The following CECR2 variants were observed in gnomAD, a reference collection of about 807,000 sequenced individuals.
CECR2 encodes the protein CECR2 histone acetyl-lysine reader.
CECR2 carries 30 observed loss-of-function variants against 154.5 expected under a neutral mutation model. The observed-to-expected ratio is 0.19, with a 90% CI of 0.15 to 0.26. CECR2 has a LOEUF of 0.26. Among genes scored for constraint, CECR2 ranks in the 10% least tolerant of loss-of-function variants. The pLI, the probability that CECR2 is intolerant of heterozygous loss-of-function variation, is 1.00. For synonymous variants in CECR2, 725 were observed against 683.7 expected, an observed-to-expected ratio of 1.06 and a Z score of -0.94; for missense variants, 1,743 against 1,829.3, an observed-to-expected ratio of 0.95 and a Z score of 0.86.
At chr22:17,488,816 A>G (rs1190004957) in intron 2 of CECR2, among the ~76,000 whole-genome samples, 5 of 152,190 alleles carry the variant, frequency 3.3e-5, no homozygotes, top group Non-Finnish European at 5.9e-5. Context: ...TCTCTTGGGA[A>G]TTGCTGGCGG....
At chr22:17,543,039 T>G in intron 16 of CECR2, 36 bp downstream of exon 16, 2 of 1,550,410 alleles carry the variant, frequency 1.3e-6, no homozygotes, top group South Asian at 2.5e-5. Context: ...CTTTAAGCTC[T>G]TGTTTCATGA....
rs113011471 is a variant in CECR2 at position 17,418,362 on chromosome 22, C to T, written c.126+48453C>T. Among the ~76,000 whole-genome samples, 593 of 152,248 alleles carry T rather than the reference C, an allele frequency of 3.9e-3. 4 individuals are homozygous for T. Among genetic ancestry groups the T allele is most frequent in the African/African-American group, 0.013 (553 of 41,514 alleles). On this transcript the variant is annotated intron_variant, in intron 1 of 18. Transcript: ENST00000262608. ...CTCAAGCCTATGTGTTACTGCACTG[C>T]GCTGTAGCTTAGTGGTTCATTTTCG...
intron 2 of CECR2, among the ~76,000 whole-genome samples, chr22:17,487,360 G>A (rs1205966066): frequency 6.6e-6 from 1 of 152,152 alleles, no homozygotes; most frequent in African/African-American, 2.4e-5. Context: ...GTAAAGCTAC[G>A]ATTGAATCAA....
At chr22:17,477,291 A>T in intron 1 of CECR2, 5 of 609,328 alleles carry the variant, frequency 8.2e-6, no homozygotes, top group Non-Finnish European at 1.5e-5. Context: ...AAGCTCTTTA[A>T]TTATGCAGCT....
chr22:17,533,283 G>A (rs533053951), intron 9 of CECR2, among the ~76,000 whole-genome samples: 27 of 146,798 alleles, frequency 1.8e-4, no homozygotes, highest in Non-Finnish European at 3.6e-4. Flanking sequence ...TAGCGCCACC[G>A]CAGCACTCCA....
intron 1 of CECR2, among the ~76,000 whole-genome samples, chr22:17,426,977 A>G (rs1228564516): frequency 6.6e-6 from 1 of 152,024 alleles, no homozygotes; most frequent in Non-Finnish European, 1.5e-5. Context: ...CATCATTTAC[A>G]TTAGGTATTT....
At chr22:17,392,799 T>C (rs1348420126) in intron 1 of CECR2, among the ~76,000 whole-genome samples, 1 of 152,150 alleles carries the variant, frequency 6.6e-6, no homozygotes, top group Non-Finnish European at 1.5e-5. Context: ...CCCAGCACTT[T>C]GGGAGGCCGA....
At chr22:17,511,417 C>T (rs1231578121) in intron 7 of CECR2, among the ~76,000 whole-genome samples, 2 of 152,160 alleles carry the variant, frequency 1.3e-5, no homozygotes, top group Non-Finnish European at 2.9e-5. Flanking sequence ...CTGCCTTTGC[C>T]CGGCGGCCCA....
chr22:17,475,833 C>T (rs2055199339), intron 1 of CECR2, among the ~76,000 whole-genome samples: 2 of 152,036 alleles, frequency 1.3e-5, no homozygotes, highest in African/African-American at 2.4e-5. Flanking sequence ...ATTCCTATTT[C>T]TCCGTTCTCT....
intron 7 of CECR2, among the ~76,000 whole-genome samples, chr22:17,505,576 C>T (rs1358620095): frequency 1.4e-5 from 2 of 145,508 alleles, no homozygotes; most frequent in Non-Finnish European, 3.0e-5. Context: ...CTCTGTCTCC[C>T]AGGCTGCAGT....
chr22:17,407,421 C>T (rs1437600029), intron 1 of CECR2, among the ~76,000 whole-genome samples: 2 of 152,114 alleles, frequency 1.3e-5, no homozygotes, highest in Admixed American at 1.3e-4. Flanking sequence ...CATAGTGAAA[C>T]CCCATCTCTA....
intron 1 of CECR2, among the ~76,000 whole-genome samples, chr22:17,451,064 T>G (rs527382769): frequency 1.3e-5 from 2 of 152,378 alleles, no homozygotes; most frequent in Admixed American, 1.3e-4. Context: ...GAGGACAGAC[T>G]TGGTGCCATG....
intron 10 of CECR2, among the ~76,000 whole-genome samples, chr22:17,537,992 CAAA>C (rs1339847156): frequency 4.0e-5 from 4 of 99,564 alleles, no homozygotes; most frequent in Admixed American, 1.1e-4. Flanking sequence ...AGACTCCGTC[CAAA>C]AAAAAAAAAA....
chr22:17,549,955 C>G (rs1271889692), intron 17 of CECR2, among the ~76,000 whole-genome samples: 1 of 150,416 alleles, frequency 6.6e-6, no homozygotes, highest in Non-Finnish European at 1.5e-5. Context: ...GAAAAATGGC[C>G]TTAGAGATGA....
intron 1 of CECR2, among the ~76,000 whole-genome samples, chr22:17,377,006 C>T (rs2063126676): frequency 6.6e-6 from 1 of 152,170 alleles, no homozygotes; most frequent in Non-Finnish European, 1.5e-5. Context: ...AAGTTGTGTT[C>T]TTAGGCAGAT....
In CECR2 at chr22:17,544,809, CAAAAAAAAAA is replaced by C. The variant is rs67994839; in HGVS notation, c.2860+1824_2860+1833del. Among the ~76,000 whole-genome samples the C allele has an allele frequency of 2.6e-4, 12 of 45,618 alleles. No individual in the cohort carries two copies. The East Asian group carries it at 0.01, about 39-fold the overall frequency. The allele number at this position is 45,618 out of a possible 152,430, so 29.9% of individuals were successfully genotyped here. ...TGGGCCACAAAGTGAGACTCTGTCTCAAAAAAAAAAAAAAAAAAAAAAAAAAAGGTTCATG... is the reference window on the plus strand; with the variant it reads ...TGGGCCACAAAGTGAGACTCTGTCTCAAAAAAAAAAAAAAAAAGGTTCATG... On this transcript the variant is annotated intron_variant, in intron 16 of 18. Coordinates refer to ENST00000262608, the MANE Select transcript of CECR2 (RefSeq NM_001290047.2).
At chr22:17,552,254 G>GATACCTT in intron 18 of CECR2, 112 bp downstream of exon 18, 5 of 936,838 alleles carry the variant, frequency 5.3e-6, no homozygotes, top group Non-Finnish European at 8.1e-6. Context: ...GTGGATACAG[G>GATACCTT]AACTTTGCCT....
intron 1 of CECR2, among the ~76,000 whole-genome samples, chr22:17,402,843 C>T (rs1446474818): frequency 2.0e-5 from 3 of 151,504 alleles, no homozygotes; most frequent in African/African-American, 4.8e-5. Flanking sequence ...CTGCAACCTC[C>T]GCCTCCCGGG....
rs2056643968 is a variant in CECR2 at position 17,548,199 on chromosome 22, A to T, written c.2912A>T (p.Glu971Val). The T allele has an allele frequency of 6.3e-7, 1 of 1,586,890 alleles. No homozygotes were observed. Among genetic ancestry groups the T allele is most frequent in the African/African-American group, 1.4e-5 (1 of 73,094 alleles). The stretch of plus-strand genomic sequence containing the variant: ...AAACCACCAGGTGTTGGTACTTCAG[A>T]GGGGGTCTACCTCACACAACTACCT... ...EEKPPGVGTS[E>V]GVYLTQLPHP... The change falls in exon 17 of 19, where the codon GAG becomes GTG. Residue 971 changes from glutamate (E) to valine (V), a missense_variant. By Grantham distance (121) the Glu-to-Val change is moderately radical (BLOSUM62 -2). This residue lies in a region of CECR2 where 1,250 missense variants were observed against 1,192.1 expected (regional missense o/e 1.05). Transcript: ENST00000262608.
Sources: gnomAD v4.1 joint callset for allele counts (sites outside exome capture counted in the v4.1 genomes callset) on GRCh38, gnomAD v4.1.1 for gene constraint, gnomAD v4.1.1 regional missense constraint, MANE v1.5 for transcripts, NCBI Gene and HGNC (gene_info 2026-07-23, HGNC 2026-07-21) for gene names.